MYOZ2: variants seen among roughly 807,000 people sequenced by gnomAD.
MYOZ2 encodes myozenin-2.
A neutral mutation model predicts 25.4 loss-of-function variants in MYOZ2; 19 were observed. The ratio of observed to expected loss-of-function variants is 0.75; its 90% CI spans 0.52 to 1.10. The LOEUF is 1.10. Ranked by LOEUF, MYOZ2 falls within the 50% of genes least tolerant of loss-of-function variation. The pLI is 0.00. For synonymous variants in MYOZ2, 92 were observed against 106.9 expected, an observed-to-expected ratio of 0.86 and a Z score of 0.86; for missense variants, 270 against 317.9, an observed-to-expected ratio of 0.85 and a Z score of 1.15.
At chr4:119,157,992 T>C (rs1741619460) in intron 3 of MYOZ2, 30 bp from the exon 4 acceptor site, 1 of 1,613,492 alleles carries the variant, frequency 6.2e-7, no homozygotes, top group African/African-American at 1.3e-5. Context: ...TTTTGAGTTT[T>C]CAGCAGAGTT....
intron 5 of MYOZ2, among the ~76,000 whole-genome samples, chr4:119,177,424 G>T (rs78024027): frequency 0.027 from 4,143 of 152,116 alleles, 185 homozygotes; most frequent in African/African-American, 0.093. Flanking sequence ...TAGCAAATTC[G>T]GTCTGTGAAG....
At chr4:119,140,244 C>A (rs777884826) in intron 2 of MYOZ2, among the ~76,000 whole-genome samples, 7 of 152,108 alleles carry the variant, frequency 4.6e-5, no homozygotes, top group African/African-American at 1.7e-4. Context: ...TGAAAAAGTA[C>A]AAAGTCTAGA....
chr4:119,172,990 A>C (rs1347163926), intron 5 of MYOZ2, among the ~76,000 whole-genome samples: 1 of 152,248 alleles, frequency 6.6e-6, no homozygotes, highest in Non-Finnish European at 1.5e-5. Flanking sequence ...CCCATCTGCA[A>C]AATAAATTCT....
intron 5 of MYOZ2, among the ~76,000 whole-genome samples, chr4:119,174,446 G>A (rs954085651): frequency 6.6e-6 from 1 of 151,796 alleles, no homozygotes; most frequent in Non-Finnish European, 1.5e-5. Flanking sequence ...TTTATGTCTA[G>A]TTCAGGGATT....
intron 2 of MYOZ2, among the ~76,000 whole-genome samples, chr4:119,142,130 G>T (rs1239076547): frequency 6.6e-6 from 1 of 152,176 alleles, no homozygotes; most frequent in Non-Finnish European, 1.5e-5. Context: ...CAGTAGGGAT[G>T]TTTTGATTTG....
chr4:119,150,863 G>GT lies in MYOZ2; in HGVS notation c.77-5dup, dbSNP rs1303598777. 9 of 1,612,694 alleles carry GT rather than the reference G, an allele frequency of 5.6e-6. No homozygotes were observed. Among genetic ancestry groups the GT allele is most frequent in the Non-Finnish European group, 7.6e-6 (9 of 1,178,918 alleles). On this transcript the variant is annotated splice_polypyrimidine_tract_variant and intron_variant, in intron 2 of 5. Coordinates refer to ENST00000307128, the MANE Select transcript of MYOZ2 (RefSeq NM_016599.5). ...TGGGATTTTTACTCATATGAATATT[G>GT]TTTTACAGATGTTGATGGCATGGAC...
chr4:119,146,252 T>G (rs1326014862), intron 2 of MYOZ2, among the ~76,000 whole-genome samples: 2 of 152,078 alleles, frequency 1.3e-5, no homozygotes, highest in Non-Finnish European at 2.9e-5. Flanking sequence ...TACTATTTCT[T>G]TCGTTCTGCT....
At chr4:119,148,473 A>G (rs989162221) in intron 2 of MYOZ2, among the ~76,000 whole-genome samples, 2 of 152,002 alleles carry the variant, frequency 1.3e-5, no homozygotes, top group Non-Finnish European at 2.9e-5. Flanking sequence ...TGGAACTTCA[A>G]TGACATGAAT....
chr4:119,175,678 G>T (rs1037242980), intron 5 of MYOZ2, among the ~76,000 whole-genome samples: 35 of 151,904 alleles, frequency 2.3e-4, no homozygotes, highest in African/African-American at 7.3e-4. Flanking sequence ...TTTGAACCCA[G>T]GAGACAGAGG....
rs1290093513 is a variant in MYOZ2, at chr4:119,187,093, T to A, written c.*893T>A. 1 of 152,138 alleles carries A rather than the reference T, an allele frequency of 6.6e-6. No individual in the cohort carries two copies. Among genetic ancestry groups the A allele is most frequent in the Non-Finnish European group, 1.5e-5 (1 of 68,004 alleles). The allele number at this position is 152,138 out of a possible 1,614,324, so 9.4% of individuals were successfully genotyped here. On this transcript the variant is annotated 3_prime_UTR_variant, in exon 6 of 6. Coordinates refer to ENST00000307128, the MANE Select transcript of MYOZ2 (RefSeq NM_016599.5). ...GCTAAATCTTTAAATTCTGTTAAGATCCTCAAGTAACTGGGGAGTACATGC... is the reference window on the plus strand; with the variant it reads ...GCTAAATCTTTAAATTCTGTTAAGAACCTCAAGTAACTGGGGAGTACATGC...
intron 5 of MYOZ2, among the ~76,000 whole-genome samples, chr4:119,181,056 C>A (rs1327587813): frequency 6.6e-6 from 1 of 152,154 alleles, no homozygotes; most frequent in African/African-American, 2.4e-5. Flanking sequence ...TGGTCACAGT[C>A]TTTTCTCCAC....
intron 3 of MYOZ2, among the ~76,000 whole-genome samples, chr4:119,153,461 A>C (rs1484042441): frequency 6.6e-6 from 1 of 152,160 alleles, no homozygotes; most frequent in Non-Finnish European, 1.5e-5. Flanking sequence ...ATTGAAAGAT[A>C]AGAGAGCTTT....
intron 2 of MYOZ2, among the ~76,000 whole-genome samples, chr4:119,140,815 TAC>T (rs1474191122): frequency 6.6e-6 from 1 of 152,218 alleles, no homozygotes; most frequent in Admixed American, 6.5e-5. Context: ...TATAGATTTA[TAC>T]AGTTTTTAAA....
intron 5 of MYOZ2, among the ~76,000 whole-genome samples, chr4:119,166,699 T>A (rs1741833398): frequency 6.6e-6 from 1 of 152,216 alleles, no homozygotes; most frequent in Non-Finnish European, 1.5e-5. Flanking sequence ...GTGGCAACCC[T>A]GTGTCAAGCA....
intron 5 of MYOZ2, among the ~76,000 whole-genome samples, chr4:119,182,326 T>G (rs1033086): frequency 0.96 from 146,048 of 152,288 alleles, 70,067 homozygotes; most frequent in East Asian, 0.99. Flanking sequence ...AGCAGTCTGA[T>G]TGCTTCTTAC....
chr4:119,146,434 C>T (rs6843643), intron 2 of MYOZ2, among the ~76,000 whole-genome samples: 40,330 of 151,788 alleles, frequency 0.27, 5,451 homozygotes, highest in Middle Eastern at 0.34. Context: ...TTTTCAAATT[C>T]GTTTAGTTCA....
intron 4 of MYOZ2, among the ~76,000 whole-genome samples, chr4:119,161,243 A>C (rs1175482949): frequency 6.6e-6 from 1 of 152,184 alleles, no homozygotes; most frequent in East Asian, 1.9e-4. Context: ...TGCAATATAG[A>C]GTAAGAAAAT....
chr4:119,185,633 G>A (rs1485625123), intron 5 of MYOZ2, among the ~76,000 whole-genome samples: 1 of 152,140 alleles, frequency 6.6e-6, no homozygotes, highest in Non-Finnish European at 1.5e-5. Flanking sequence ...TCTTGAATAG[G>A]GGAAATATTG....
chr4:119,158,210 C>G (rs930892426), intron 4 of MYOZ2, 59 bp downstream of exon 4: 5 of 1,585,234 alleles, frequency 3.2e-6, no homozygotes, highest in Non-Finnish European at 4.3e-6. Context: ...TGATATGACT[C>G]AAGGCATTTA....
Sources: allele counts gnomAD v4.1 joint callset (sites outside exome capture counted in the v4.1 genomes callset), GRCh38; gene constraint gnomAD v4.1.1; transcripts MANE v1.5; gene names NCBI Gene and HGNC (gene_info 2026-07-23, HGNC 2026-07-21).